Variants in SLC47A1 observed in about 807,000 individuals in gnomAD.
SLC47A1 encodes the protein solute carrier family 47 member 1.
SLC47A1 carries 58 observed loss-of-function variants against 65.8 expected under a neutral mutation model. The ratio of observed to expected loss-of-function variants is 0.88; its 90% CI spans 0.71 to 1.10. SLC47A1 has a LOEUF of 1.10. Among genes scored for constraint, SLC47A1 ranks in the 50% least tolerant of loss-of-function variants. SLC47A1 has a pLI of 0.00. For missense variants in SLC47A1, 706 were observed against 719.2 expected (o/e 0.98, Z 0.21); for synonymous variants, 285 against 295.0 (o/e 0.97, Z 0.35).
intron 2 of SLC47A1, among the ~76,000 whole-genome samples, chr17:19,542,936 C>T (rs1267077672): frequency 2.0e-5 from 3 of 149,752 alleles, no homozygotes; most frequent in African/African-American, 2.5e-5. Flanking sequence ...GGGTTACAGG[C>T]GTGCGCCACC....
intron 16 of SLC47A1, among the ~76,000 whole-genome samples, chr17:19,575,332 C>G (rs924254325): frequency 1.3e-5 from 2 of 151,698 alleles, no homozygotes; most frequent in African/African-American, 2.4e-5. Context: ...AGCTTATTCT[C>G]GTGCCATTAT....
chr17:19,574,779 T>C (rs2084425954), intron 16 of SLC47A1, among the ~76,000 whole-genome samples: 1 of 151,812 alleles, frequency 6.6e-6, no homozygotes, highest in Non-Finnish European at 1.5e-5. Flanking sequence ...GTGTGTGCGG[T>C]GGTGTACCAC....
Position 19,560,225 on chromosome 17 carries a change from T to C in SLC47A1, c.959T>C (p.Val320Ala). ...TTCAGTGTGGCTGCCAGTGTCCGGGTAGGAAACGCTCTGGGTGCTGGAGAC... is the reference window on the plus strand; with the variant it reads ...TTCAGTGTGGCTGCCAGTGTCCGGGCAGGAAACGCTCTGGGTGCTGGAGAC... ...AGFSVAASVRVGNALGAGDME... is the reference protein window; with the variant it reads ...AGFSVAASVRAGNALGAGDME... The change falls in exon 11 of 17, where the codon GTA (valine) becomes GCA (alanine). Residue 320 changes from valine (V) to alanine (A), a missense_variant. Coordinates refer to ENST00000270570, the MANE Select transcript of SLC47A1 (RefSeq NM_018242.3). The C allele has an allele frequency of 6.2e-7, 1 of 1,613,258 alleles. No homozygotes were observed. The highest frequency in any genetic ancestry group is 8.5e-7 in the Non-Finnish European group (1 of 1,179,954).
At chr17:19,565,533 C>CT (rs1279963891) in intron 12 of SLC47A1, among the ~76,000 whole-genome samples, 2 of 149,920 alleles carry the variant, frequency 1.3e-5, no homozygotes, top group Non-Finnish European at 3.0e-5. Context: ...CTTGGTTTTG[C>CT]TTTCCAAGGT....
intron 2 of SLC47A1, among the ~76,000 whole-genome samples, chr17:19,543,069 G>A (rs1168899775): frequency 2.0e-5 from 3 of 150,454 alleles, no homozygotes; most frequent in Non-Finnish European, 4.4e-5. Context: ...TGGGATTACA[G>A]GTATGAGCCA....
intron 1 of SLC47A1, among the ~76,000 whole-genome samples, chr17:19,540,085 C>T (rs191926298): frequency 6.6e-6 from 1 of 152,344 alleles, no homozygotes; most frequent in Non-Finnish European, 1.5e-5. Flanking sequence ...ATGCATCTCA[C>T]ATGGATTAGT....
chr17:19,548,375 A>C (rs1304790371), intron 4 of SLC47A1, among the ~76,000 whole-genome samples: 1 of 152,020 alleles, frequency 6.6e-6, no homozygotes, highest in Non-Finnish European at 1.5e-5. Context: ...AGCACCCTCC[A>C]TGTGGGATGG....
chr17:19,548,203 C>T (rs1176633910), intron 4 of SLC47A1, 70 bp downstream of exon 4: 40 of 1,545,372 alleles, frequency 2.6e-5, no homozygotes, highest in Non-Finnish European at 3.4e-5. Context: ...CTGGGTGCAG[C>T]CAGGGCCAGG....
chr17:19,568,134 T>G (rs2084374344), intron 14 of SLC47A1: 1 of 152,234 alleles, frequency 6.6e-6, no homozygotes, highest in Non-Finnish European at 1.5e-5. Context: ...GCGTGGCTTG[T>G]TTTGATTCAT....
intron 7 of SLC47A1, 130 bp from the exon 8 acceptor site, chr17:19,555,463 G>A (rs757808884): frequency 2.4e-5 from 31 of 1,285,632 alleles, no homozygotes; most frequent in Non-Finnish European, 3.4e-5. Context: ...TGGAGGGTGA[G>A]GCTGCTCTGG....
intron 10 of SLC47A1, 144 bp downstream of exon 10, chr17:19,556,206 G>T: frequency 1.1e-6 from 1 of 949,818 alleles, no homozygotes; most frequent in Non-Finnish European, 1.6e-6. Flanking sequence ...TTGAGCCTGG[G>T]AGGGTACCTC....
chr17:19,550,957 C>G (rs1916430420), intron 5 of SLC47A1, among the ~76,000 whole-genome samples: 1 of 152,202 alleles, frequency 6.6e-6, no homozygotes, highest in Non-Finnish European at 1.5e-5. Flanking sequence ...AATAGTCACA[C>G]TGGGGACTAG....
chr17:19,549,782 A>C (rs1916397473), intron 5 of SLC47A1, 105 bp downstream of exon 5: 4 of 1,255,252 alleles, frequency 3.2e-6, no homozygotes, highest in South Asian at 1.2e-5. Flanking sequence ...GATGATTCTT[A>C]TCTGTGGTGT....
At chr17:19,568,697 G>T (rs1015228646) in intron 14 of SLC47A1, among the ~76,000 whole-genome samples, 1 of 152,064 alleles carries the variant, frequency 6.6e-6, no homozygotes, top group Non-Finnish European at 1.5e-5. Flanking sequence ...AATTCAAAAT[G>T]TGCAGTACAT....
At position 19,547,240 on chromosome 17, in the gene SLC47A1, TG is replaced by T. The variant is rs539562528; in HGVS notation, c.306+738del. The stretch of plus-strand genomic sequence containing the variant: ...CTAATTTTTTGTAGAGATAGGGTTT[TG>T]CCATGTTGCACAGGCTGGTCTCGAA... On this transcript the variant is annotated intron_variant, in intron 3 of 16. Transcript: ENST00000270570. Among the ~76,000 whole-genome samples, 13 of 152,218 alleles carry T rather than the reference TG, an allele frequency of 8.5e-5. No individual in the cohort carries two copies. The South Asian group carries it at 2.7e-3, about 32-fold the overall frequency.
At chr17:19,560,804 A>G (rs897390718) in intron 12 of SLC47A1, among the ~76,000 whole-genome samples, 1 of 151,646 alleles carries the variant, frequency 6.6e-6, no homozygotes, top group East Asian at 1.9e-4. Flanking sequence ...TCTTGAGCCC[A>G]GGAGGCAGAG....
At chr17:19,536,359 G>A (rs1275634150) in intron 1 of SLC47A1, among the ~76,000 whole-genome samples, 2 of 152,080 alleles carry the variant, frequency 1.3e-5, no homozygotes, top group Non-Finnish European at 2.9e-5. Context: ...GGTCTCCAGG[G>A]ATGAGCACTA....
In SLC47A1 at chr17:19,562,014, T is replaced by G. The variant is rs72840371; in HGVS notation, c.1106+1521T>G. Among the ~76,000 whole-genome samples, 1,073 of 152,348 alleles carry G rather than the reference T, an allele frequency of 7.0e-3. 5 individuals carry two copies. Among genetic ancestry groups the G allele is most frequent in the Non-Finnish European group, 1.0e-2 (677 of 68,032 alleles). ...GAAGAATTCTTGGATAAGTCCCCTC[T>G]GCTCTGCAGAATTTGTTTCCTTCAT... On this transcript the variant is annotated intron_variant, in intron 12 of 16. Coordinates refer to ENST00000270570, the MANE Select transcript of SLC47A1 (RefSeq NM_018242.3).
intron 5 of SLC47A1, 49 bp downstream of exon 5, chr17:19,549,726 A>G: frequency 6.3e-7 from 1 of 1,591,562 alleles, no homozygotes; most frequent in Middle Eastern, 1.7e-4. Context: ...CCGTGGGTGA[A>G]AGGTAGCCAC....
Sources: gnomAD v4.1 joint callset for allele counts (sites outside exome capture counted in the v4.1 genomes callset) on GRCh38, gnomAD v4.1.1 for gene constraint, MANE v1.5 for transcripts, NCBI Gene and HGNC (gene_info 2026-07-23, HGNC 2026-07-21) for gene names.